Variants in PXDNL observed in about 807,000 individuals in gnomAD.
PXDNL encodes probable oxidoreductase PXDNL.
Under a neutral mutation model 150.8 loss-of-function variants are expected in PXDNL, and 145 were observed. That is an observed-to-expected ratio of 0.96 (90% CI 0.84 to 1.10). The LOEUF (loss-of-function observed/expected upper bound fraction) is 1.10. PXDNL is among the 50% of genes least tolerant of loss of function. The probability of loss-of-function intolerance (pLI) is 0.00; values close to 1 mark genes in which losing one functional copy is unlikely to be tolerated. For missense variants in PXDNL, 2,087 were observed against 1,873.9 expected, an observed-to-expected ratio of 1.11 and a Z score of -2.10; for synonymous variants, 757 against 725.7, an observed-to-expected ratio of 1.04 and a Z score of -0.69.
intron 2 of PXDNL, among the ~76,000 whole-genome samples, chr8:51,640,569 CAG>C (rs1334916700): frequency 2.0e-5 from 3 of 152,168 alleles, no homozygotes; most frequent in Non-Finnish European, 2.9e-5. Flanking sequence ...AACAGACCAA[CAG>C]AGAGCCAAAT....
chr8:51,403,789 C>A (rs1808344605), intron 17 of PXDNL, among the ~76,000 whole-genome samples: 1 of 152,042 alleles, frequency 6.6e-6, no homozygotes, highest in Non-Finnish European at 1.5e-5. Context: ...TAAGCGGGGC[C>A]TTAGGTGGTG....
Position 51,560,936 on chromosome 8 carries a change from A to C in PXDNL, c.309-4025T>G, listed in dbSNP as rs916500163. On this transcript the variant is annotated intron_variant, in intron 3 of 22. Transcript: ENST00000356297. The stretch of plus-strand genomic sequence containing the variant: ...CAAAGGCCTTCTACAACTCAACAAC[A>C]ACCAAAAAAAAAAACCATTTAAAAA... Among the ~76,000 whole-genome samples the C allele has an allele frequency of 2.8e-5, 3 of 107,226 alleles. 1 individual carries two copies. Among genetic ancestry groups the C allele is most frequent in the Non-Finnish European group, 4.9e-5 (3 of 61,226 alleles). 70.3% of individuals were successfully genotyped at this position (107,226 alleles called of 152,430 possible). A position where few individuals can be genotyped will look rare whatever the true frequency, so the allele number is the denominator to read the frequency against.
rs768230948 is a variant in PXDNL, at chr8:51,409,441, C to T, written c.2183G>A (p.Arg728His). The T allele has an allele frequency of 1.9e-6, 3 of 1,612,598 alleles. 1 individual carries two copies. In the Middle Eastern group the frequency reaches 5.0e-4, roughly 266 times the overall value. Residue 728 changes from arginine (R) to histidine (H), a missense_variant, in exon 17 of 23, where the codon CGC (arginine) becomes CAC (histidine). By Grantham distance (29) the Arg-to-His change is conservative. Coordinates refer to ENST00000356297, the MANE Select transcript of PXDNL (RefSeq NM_144651.5). ...GTTGTTGCACGTGCCGTCGTGGGCG[C>T]GGTACTTCGCATGGAAACACCGGTT... Reference protein sequence around the residue: ...CSNRCFHAKYRAHDGTCNNLQ... With the variant: ...CSNRCFHAKYHAHDGTCNNLQ...
intron 8 of PXDNL, among the ~76,000 whole-genome samples, chr8:51,463,637 C>T (rs765262429): frequency 6.6e-6 from 1 of 152,170 alleles, no homozygotes; most frequent in African/African-American, 2.4e-5. Context: ...CTACAGAACA[C>T]TTTATCCAAT....
intron 5 of PXDNL, among the ~76,000 whole-genome samples, chr8:51,485,385 C>G (rs1048038332): frequency 1.6e-4 from 25 of 152,134 alleles, no homozygotes; most frequent in African/African-American, 6.0e-4. Context: ...TCTTCTTGAC[C>G]AAACTCTACT....
intron 8 of PXDNL, among the ~76,000 whole-genome samples, chr8:51,458,738 C>T (rs945127312): frequency 3.9e-5 from 6 of 152,150 alleles, no homozygotes; most frequent in Non-Finnish European, 7.3e-5. Context: ...ACAGCCTATT[C>T]CCACATAGGT....
intron 1 of PXDNL, among the ~76,000 whole-genome samples, chr8:51,677,551 C>T (rs752225050): frequency 1.3e-5 from 2 of 152,096 alleles, no homozygotes; most frequent in Admixed American, 6.5e-5. Flanking sequence ...GCTATATTTC[C>T]GGTATGCAAT....
At chr8:51,474,110 G>T (rs1027852246) in intron 7 of PXDNL, among the ~76,000 whole-genome samples, 1 of 152,092 alleles carries the variant, frequency 6.6e-6, no homozygotes, top group African/African-American at 2.4e-5. Context: ...TAATTATATT[G>T]ATATGATTTT....
chr8:51,763,539 A>G (rs2037191106), intron 1 of PXDNL, among the ~76,000 whole-genome samples: 1 of 152,140 alleles, frequency 6.6e-6, no homozygotes, highest in Non-Finnish European at 1.5e-5. Flanking sequence ...ATGCCAACAT[A>G]TAGCACCCTA....
chr8:51,640,974 C>T (rs1443926301), intron 2 of PXDNL, among the ~76,000 whole-genome samples: 1 of 152,170 alleles, frequency 6.6e-6, no homozygotes, highest in African/African-American at 2.4e-5. Context: ...GCTACAGTAA[C>T]CCAAACAGCA....
chr8:51,680,320 A>G (rs1484754882), intron 1 of PXDNL, among the ~76,000 whole-genome samples: 1 of 152,178 alleles, frequency 6.6e-6, no homozygotes, highest in East Asian at 1.9e-4. Context: ...ACAGAAAACT[A>G]GGAGTAATAC....
At chr8:51,725,631 G>A (rs181150386) in intron 1 of PXDNL, among the ~76,000 whole-genome samples, 38 of 152,252 alleles carry the variant, frequency 2.5e-4, no homozygotes, top group Admixed American at 9.2e-4. Flanking sequence ...GAAGCTCCTC[G>A]TTGCATTAGC....
chr8:51,692,174 A>G (rs1816015713), intron 1 of PXDNL, among the ~76,000 whole-genome samples: 1 of 152,194 alleles, frequency 6.6e-6, no homozygotes, highest in Non-Finnish European at 1.5e-5. Context: ...TCTTTCTGTC[A>G]ACGTGTGCTA....
chr8:51,751,770 T>A lies in PXDNL; in HGVS notation c.164+57411A>T, dbSNP rs895317232. Among the ~76,000 whole-genome samples the A allele has an allele frequency of 2.6e-5, 4 of 152,196 alleles. No homozygotes were observed. The South Asian group carries it at 6.2e-4, about 24-fold the overall frequency. On this transcript the variant is annotated intron_variant, in intron 1 of 22. Coordinates refer to ENST00000356297, the MANE Select transcript of PXDNL (RefSeq NM_144651.5). ...CCTCATAATTCTACCCAGTCCTCAA[T>A]AATCCTAAAAGAAAATAAAGGTTTA... is the stretch of plus-strand genomic sequence containing the variant.
chr8:51,422,317 C>T (rs1338597900), intron 14 of PXDNL, among the ~76,000 whole-genome samples: 1 of 152,122 alleles, frequency 6.6e-6, no homozygotes, highest in African/African-American at 2.4e-5. Flanking sequence ...ATCTCCCCAC[C>T]CCGGTCAGTG....
chr8:51,755,373 C>T (rs937553572), intron 1 of PXDNL, among the ~76,000 whole-genome samples: 1 of 151,746 alleles, frequency 6.6e-6, no homozygotes, highest in Non-Finnish European at 1.5e-5. Flanking sequence ...TGGCTCACTG[C>T]AATCCCCACC....
At chr8:51,516,122 A>C (rs1811530102) in intron 4 of PXDNL, among the ~76,000 whole-genome samples, 1 of 152,202 alleles carries the variant, frequency 6.6e-6, no homozygotes, top group South Asian at 2.1e-4. Flanking sequence ...ATATTATTAA[A>C]GCCTCTGTTG....
chr8:51,335,841 C>A (rs1805819411), intron 21 of PXDNL, among the ~76,000 whole-genome samples: 1 of 151,990 alleles, frequency 6.6e-6, no homozygotes, highest in Non-Finnish European at 1.5e-5. Flanking sequence ...ACGAAAAGGG[C>A]AAATATAATT....
intron 18 of PXDNL, among the ~76,000 whole-genome samples, chr8:51,374,073 C>T (rs60447624): frequency 6.6e-6 from 1 of 152,130 alleles, no homozygotes; most frequent in African/African-American, 2.4e-5. Context: ...TCTTTCCACT[C>T]GTAAATGCCC....
Sources: allele counts gnomAD v4.1 joint callset (sites outside exome capture counted in the v4.1 genomes callset), GRCh38; gene constraint gnomAD v4.1.1; transcripts MANE v1.5; gene names NCBI Gene and HGNC (gene_info 2026-07-23, HGNC 2026-07-21).